LTBP2: variants seen among roughly 807,000 people sequenced by gnomAD.
LTBP2 encodes the protein latent-transforming growth factor beta-binding protein 2.
In LTBP2, 103 loss-of-function variants were observed where a neutral mutation model predicts 210.6. The ratio of observed to expected loss-of-function variants is 0.49; its 90% CI spans 0.42 to 0.58. The LOEUF (loss-of-function observed/expected upper bound fraction) is 0.58. Ranked by LOEUF, LTBP2 falls within the 20% of genes least tolerant of loss-of-function variation. The pLI is 0.00. For synonymous variants in LTBP2, 1,007 were observed against 1,015.0 expected (o/e 0.99, Z 0.15); for missense variants, 2,313 against 2,494.5 (o/e 0.93, Z 1.55).
rs2086890668 is a variant in LTBP2, at chr14:74,499,811, T to C, written c.*1073A>G. On this transcript the variant is annotated 3_prime_UTR_variant, in exon 36 of 36. Coordinates refer to ENST00000261978, the MANE Select transcript of LTBP2 (RefSeq NM_000428.3). ...GTTCTGAACTCCCAGCTAGTTTGGG[T>C]TGGAGTGAGTCTCTGCTTGTAAACT... The C allele has an allele frequency of 3.0e-5, 7 of 230,112 alleles. No homozygotes were observed. In the South Asian group the frequency reaches 5.5e-4, roughly 18 times the overall value. 14.3% of individuals were successfully genotyped at this position (230,112 alleles called of 1,614,324 possible). A position where few individuals can be genotyped will look rare whatever the true frequency, so the allele number is the denominator to read the frequency against.
Position 74,551,186 on chromosome 14 carries a change from T to TGTGGCCAGGGCTGGCAG in LTBP2, c.1547_1563dup (p.Ser522LeufsTer41). The TGTGGCCAGGGCTGGCAG allele has an allele frequency of 4.3e-6, 7 of 1,613,826 alleles. No individual in the cohort carries two copies. The highest frequency in any genetic ancestry group is 5.9e-6 in the Non-Finnish European group (7 of 1,180,010). Reference sequence around the variant, plus strand: ...GGGATGTTGTTGCTGTCCCAGAGGCTGTGGCCAGGGCTGGCAGGCAGCCAG... The same window carrying TGTGGCCAGGGCTGGCAG: ...GGGATGTTGTTGCTGTCCCAGAGGCTGTGGCCAGGGCTGGCAGGTGGCCAGGGCTGGCAGGCAGCCAG... On this transcript the variant is annotated frameshift_variant, in exon 7 of 36. Transcript: ENST00000261978. LOFTEE classifies it high-confidence loss of function.
At chr14:74,590,591 AAAAAAG>A (rs2088268667) in intron 2 of LTBP2, among the ~76,000 whole-genome samples, 1 of 152,238 alleles carries the variant, frequency 6.6e-6, no homozygotes, top group Non-Finnish European at 1.5e-5. Flanking sequence ...CTCTGCCTCA[AAAAAAG>A]AAAAAGAAAA....
At chr14:74,589,868 G>GC (rs998869627) in intron 2 of LTBP2, among the ~76,000 whole-genome samples, 1 of 152,142 alleles carries the variant, frequency 6.6e-6, no homozygotes, top group African/African-American at 2.4e-5. Flanking sequence ...GAGACCCAAA[G>GC]CCCGGCGTGG....
chr14:74,503,797 C>G, intron 31 of LTBP2, 129 bp downstream of exon 31: 2 of 1,444,212 alleles, frequency 1.4e-6, no homozygotes, highest in East Asian at 4.9e-5. Flanking sequence ...CTGGGACCAG[C>G]CTGCTGCAGT....
intron 17 of LTBP2, among the ~76,000 whole-genome samples, chr14:74,521,338 T>C (rs1004273901): frequency 6.6e-6 from 1 of 152,172 alleles, no homozygotes; most frequent in African/African-American, 2.4e-5. Flanking sequence ...TAAAAATGTA[T>C]GTGGAAAAAA....
chr14:74,611,517 G>C lies in LTBP2; in HGVS notation c.428C>G (p.Pro143Arg), dbSNP rs974595663. The C allele has an allele frequency of 6.5e-7, 1 of 1,539,028 alleles. No homozygotes were observed. Among genetic ancestry groups the C allele is most frequent in the Non-Finnish European group, 8.7e-7 (1 of 1,152,542 alleles). ...APRTRAAPAL[P>R]RLGTPQRSGA... is the part of the protein sequence containing the mutation. ...AGACCGCTGTGGGGTCCCCAGGCGT[G>C]GGAGAGCCGGCGCGGCCCGGGTCCG... The change falls in exon 1 of 36, where the codon CCA becomes CGA. Residue 143 changes from proline (P) to arginine (R), a missense_variant. Transcript: ENST00000261978.
chr14:74,507,120 A>G (rs2087001986), intron 26 of LTBP2, 59 bp downstream of exon 26: 4 of 1,613,258 alleles, frequency 2.5e-6, no homozygotes, highest in Admixed American at 1.7e-5. Context: ...GTCTCGCTCA[A>G]TATGTGAAAA....
At chr14:74,582,712 A>T (rs7150223) in intron 3 of LTBP2, among the ~76,000 whole-genome samples, 52,382 of 152,074 alleles carry the variant, frequency 0.34, 11,537 homozygotes, top group Non-Finnish European at 0.49. Context: ...TCTAACCCTC[A>T]CTACTCAAAA....
At chr14:74,509,503 C>T in intron 21 of LTBP2, 140 bp from the exon 22 acceptor site, 2 of 1,288,820 alleles carry the variant, frequency 1.6e-6, no homozygotes, top group East Asian at 2.4e-5. Flanking sequence ...CAGGACAGCC[C>T]TGCCCTCAGC....
intron 2 of LTBP2, among the ~76,000 whole-genome samples, chr14:74,601,713 G>A (rs1038601893): frequency 3.9e-5 from 6 of 152,218 alleles, no homozygotes; most frequent in African/African-American, 4.8e-5. Context: ...GGGAGCAATC[G>A]CATCGCATCC....
intron 30 of LTBP2, 142 bp from the exon 31 acceptor site, chr14:74,504,196 C>T (rs1030817375): frequency 3.1e-6 from 3 of 962,774 alleles, no homozygotes; most frequent in African/African-American, 3.2e-5. Flanking sequence ...TTAAGTTCGC[C>T]TTGCCTCCGG....
At chr14:74,526,723 A>G (rs1161977123) in intron 13 of LTBP2, among the ~76,000 whole-genome samples, 1 of 152,218 alleles carries the variant, frequency 6.6e-6, no homozygotes, top group Non-Finnish European at 1.5e-5. Context: ...ATTTGGGAAC[A>G]GTCAGGTATG....
At chr14:74,551,402 T>G in intron 6 of LTBP2, 52 bp from the exon 7 acceptor site, 1 of 1,487,478 alleles carries the variant, frequency 6.7e-7, no homozygotes, top group Non-Finnish European at 9.0e-7. Context: ...CCACCCTCAT[T>G]TCCAACCCTC....
intron 34 of LTBP2, 89 bp downstream of exon 34, chr14:74,502,564 C>A: frequency 6.3e-7 from 1 of 1,583,294 alleles, no homozygotes. Context: ...CAGTCCTCAC[C>A]CTGCTGGCAA....
At chr14:74,504,672 C>T in intron 30 of LTBP2, 106 bp downstream of exon 30, 12 of 1,097,048 alleles carry the variant, frequency 1.1e-5, no homozygotes, top group Non-Finnish European at 1.7e-5. Flanking sequence ...TGGAGGCAAC[C>T]TGCGAGGCCA....
chr14:74,585,050 C>T (rs997766463), intron 3 of LTBP2, among the ~76,000 whole-genome samples: 4 of 152,102 alleles, frequency 2.6e-5, no homozygotes, highest in Non-Finnish European at 4.4e-5. Flanking sequence ...ACCTGAAAAA[C>T]GAAAAGGAAA....
In LTBP2 at chr14:74,573,138, C is replaced by T. The variant is rs187237995; in HGVS notation, c.830+12716G>A. ...ACCCAGTACTCTGCAGTTTCCAAGC[C>T]AAGCTGGATGTTTCCGCACTTGCCT... On this transcript the variant is annotated intron_variant, in intron 3 of 35. Coordinates refer to ENST00000261978, the MANE Select transcript of LTBP2 (RefSeq NM_000428.3). Among the ~76,000 whole-genome samples the T allele has an allele frequency of 2.6e-3, 397 of 152,304 alleles. 3 individuals carry two copies. The highest frequency in any genetic ancestry group is 8.9e-3 in the African/African-American group (368 of 41,566).
intron 3 of LTBP2, among the ~76,000 whole-genome samples, chr14:74,578,966 C>T (rs1219628363): frequency 2.6e-5 from 4 of 152,240 alleles, no homozygotes; most frequent in Non-Finnish European, 5.9e-5. Flanking sequence ...AGCAATTCCC[C>T]TGTCTCAGCC....
At chr14:74,538,781 C>T (rs2139730422) in intron 8 of LTBP2, among the ~76,000 whole-genome samples, 2 of 152,334 alleles carry the variant, frequency 1.3e-5, no homozygotes, top group Middle Eastern at 3.4e-3. Context: ...CCAGGACTGG[C>T]CCGCTCCGGA....
Sources: allele counts gnomAD v4.1 joint callset (sites outside exome capture counted in the v4.1 genomes callset), GRCh38; gene constraint gnomAD v4.1.1; transcripts MANE v1.5; gene names NCBI Gene and HGNC (gene_info 2026-07-23, HGNC 2026-07-21).